MTUS1: variants seen among roughly 807,000 people sequenced by gnomAD.
MTUS1 encodes microtubule-associated tumor suppressor 1.
A neutral mutation model predicts 120.8 loss-of-function variants in MTUS1; 109 were observed. The observed-to-expected ratio is 0.90, with a 90% CI of 0.77 to 1.06. The LOEUF is 1.06. Ranked by LOEUF, MTUS1 falls within the 50% of genes least tolerant of loss-of-function variation. MTUS1 has a pLI of 0.00. For synonymous variants in MTUS1, 737 were observed against 550.5 expected (o/e 1.34, Z -4.74); for missense variants, 2,210 against 1,486.3 (o/e 1.49, Z -8.01).
chr8:17,661,131 T>C (rs1809597337), intron 8 of MTUS1, among the ~76,000 whole-genome samples: 1 of 152,046 alleles, frequency 6.6e-6, no homozygotes. Context: ...GTCAAACGAG[T>C]AAACACTGCA....
chr8:17,789,918 A>AT (rs1282405881), intron 1 of MTUS1, among the ~76,000 whole-genome samples: 1 of 152,170 alleles, frequency 6.6e-6, no homozygotes, highest in Non-Finnish European at 1.5e-5. Flanking sequence ...TTGTGAGGGC[A>AT]TTCGTCTCTT....
At chr8:17,782,869 G>T (rs955665245) in intron 1 of MTUS1, among the ~76,000 whole-genome samples, 1 of 152,184 alleles carries the variant, frequency 6.6e-6, no homozygotes, top group Non-Finnish European at 1.5e-5. Context: ...CCTGAAGTCA[G>T]GAGTTCGGGA....
chr8:17,696,771 G>C (rs541944321), intron 6 of MTUS1, among the ~76,000 whole-genome samples: 1 of 152,224 alleles, frequency 6.6e-6, no homozygotes, highest in African/African-American at 2.4e-5. Flanking sequence ...ATAACCATTA[G>C]GATGTTTTCT....
At position 17,749,947 on chromosome 8, in the gene MTUS1, C is replaced by CT. The variant is rs56184964; in HGVS notation, c.2091+3769dup. The stretch of plus-strand genomic sequence containing the variant: ...TTCAAATATATTACAGAGTTTGACC[C>CT]TTTTTTTGACACAAAGAACAACTGA... On this transcript the variant is annotated intron_variant, in intron 2 of 14. Transcript: ENST00000693296. Among the ~76,000 whole-genome samples, 216 of 152,024 alleles carry CT rather than the reference C, an allele frequency of 1.4e-3. 1 individual carries two copies. Among genetic ancestry groups the CT allele is most frequent in the African/African-American group, 4.8e-3 (199 of 41,434 alleles).
chr8:17,682,998 C>T (rs144766850), intron 7 of MTUS1, among the ~76,000 whole-genome samples: 3 of 152,160 alleles, frequency 2.0e-5, no homozygotes, highest in African/African-American at 7.2e-5. Flanking sequence ...TAAGGCTGGG[C>T]GCAGTGGCGC....
chr8:17,721,790 T>C, intron 4 of MTUS1: 1 of 1,614,152 alleles, frequency 6.2e-7, no homozygotes, highest in Non-Finnish European at 8.5e-7. Flanking sequence ...GTCAATAAGG[T>C]AGCATCATAG....
At chr8:17,748,341 A>G (rs763582909) in intron 2 of MTUS1, 3 of 152,184 alleles carry the variant, frequency 2.0e-5, no homozygotes, top group Non-Finnish European at 4.4e-5. Flanking sequence ...AGCCACTTTC[A>G]TTGCTAAATA....
chr8:17,648,924 T>C (rs1367725400), intron 13 of MTUS1, among the ~76,000 whole-genome samples: 1 of 152,096 alleles, frequency 6.6e-6, no homozygotes, highest in African/African-American at 2.4e-5. Context: ...TTGGTTAGAG[T>C]CCTGGCTGGC....
chr8:17,762,452 A>C (rs1045738440), intron 1 of MTUS1, among the ~76,000 whole-genome samples: 1 of 152,178 alleles, frequency 6.6e-6, no homozygotes, highest in Non-Finnish European at 1.5e-5. Flanking sequence ...GCAAGCTTAC[A>C]TTCTTAAATT....
At position 17,754,422 on chromosome 8, in the gene MTUS1, T is replaced by A; in HGVS notation, c.1386A>T (p.Lys462Asn). 3.7e-6 allele frequency: 6 copies of A among 1,614,214 alleles called. No homozygotes were observed. Among genetic ancestry groups the A allele is most frequent in the Non-Finnish European group, 5.1e-6 (6 of 1,180,030 alleles). The change falls in exon 2 of 15, where the codon AAA (lysine) becomes AAT (asparagine). Residue 462 changes from lysine to asparagine, a missense_variant. Physicochemically the swap from Lys to Asn is moderately conservative, Grantham distance 94 (BLOSUM62 0). Transcript: ENST00000693296. ...GTGCCTCCTTCGAGTCTGGTATGTTTTTAAGCCCTCGATTACCCTTCTCCA... is the reference window on the plus strand; with the variant it reads ...GTGCCTCCTTCGAGTCTGGTATGTTATTAAGCCCTCGATTACCCTTCTCCA... ...KKVEKGNRGL[K>N]NIPDSKEAPV...
rs113590920 is a variant in MTUS1 at position 17,745,198 on chromosome 8, G to C, written c.2092-1399C>G. Among the ~76,000 whole-genome samples the C allele has an allele frequency of 4.8e-3, 731 of 152,284 alleles. 3 individuals carry two copies. Among genetic ancestry groups the C allele is most frequent in the African/African-American group, 0.013 (560 of 41,562 alleles). On this transcript the variant is annotated intron_variant, in intron 2 of 14. Coordinates refer to ENST00000693296, the MANE Select transcript of MTUS1 (RefSeq NM_001363059.2). ...TACGTGAAAGGAACAATTTCTAAGT[G>C]AACGTGTACAGTTGTCCCTCGGTAT...
intron 7 of MTUS1, among the ~76,000 whole-genome samples, chr8:17,679,919 G>A (rs1813989570): frequency 6.6e-6 from 1 of 152,110 alleles, no homozygotes; most frequent in Admixed American, 6.5e-5. Flanking sequence ...TCCTACATCT[G>A]GAATTCCATC....
chr8:17,749,924 C>T (rs972941212), intron 2 of MTUS1, among the ~76,000 whole-genome samples: 1 of 151,756 alleles, frequency 6.6e-6, no homozygotes, highest in South Asian at 2.1e-4. Flanking sequence ...TAAATCTCTT[C>T]AAATATATTA....
intron 1 of MTUS1, among the ~76,000 whole-genome samples, chr8:17,797,527 T>C (rs2052343154): frequency 6.6e-6 from 1 of 152,322 alleles, no homozygotes; most frequent in Middle Eastern, 3.4e-3. Flanking sequence ...CTGGTCAAAG[T>C]AGGCTTTTCG....
chr8:17,800,518 ACGT>A (rs922680517), intron 1 of MTUS1: 8 of 152,200 alleles, frequency 5.3e-5, no homozygotes, highest in African/African-American at 1.9e-4. Context: ...AGAAAGGAGT[ACGT>A]CTTCAAAAAA....
At chr8:17,730,791 T>C (rs555704059) in intron 3 of MTUS1, among the ~76,000 whole-genome samples, 7 of 152,038 alleles carry the variant, frequency 4.6e-5, no homozygotes, top group Non-Finnish European at 8.8e-5. Context: ...AGACAGAACA[T>C]AGAGTGGTGA....
intron 2 of MTUS1, among the ~76,000 whole-genome samples, chr8:17,752,790 G>C (rs1284815453): frequency 1.3e-5 from 2 of 152,114 alleles, no homozygotes; most frequent in Non-Finnish European, 2.9e-5. Flanking sequence ...CTGGCCCAGA[G>C]GACAGGCACC....
intron 1 of MTUS1, among the ~76,000 whole-genome samples, chr8:17,758,752 T>C (rs905172559): frequency 1.6e-4 from 25 of 152,260 alleles, no homozygotes; most frequent in African/African-American, 6.0e-4. Flanking sequence ...TCGTGGGAAC[T>C]GTCTTTGTAA....
chr8:17,679,251 A>G (rs1167737889), intron 7 of MTUS1, among the ~76,000 whole-genome samples: 1 of 152,086 alleles, frequency 6.6e-6, no homozygotes. Context: ...AAATACATAG[A>G]CATACAATGT....
Sources: gnomAD v4.1 joint callset for allele counts (sites outside exome capture counted in the v4.1 genomes callset) on GRCh38, gnomAD v4.1.1 for gene constraint, MANE v1.5 for transcripts, NCBI Gene and HGNC (gene_info 2026-07-23, HGNC 2026-07-21) for gene names.